RRM1: variants seen among roughly 807,000 people sequenced by gnomAD.
RRM1 encodes ribonucleotide reductase catalytic subunit M1, also known as ribonucleoside-diphosphate reductase large subunit.
In RRM1, 19 loss-of-function variants were observed where a neutral mutation model predicts 101.5. The observed-to-expected ratio is 0.19, with a 90% CI of 0.13 to 0.27. The LOEUF (loss-of-function observed/expected upper bound fraction) is 0.27. Ranked by LOEUF, RRM1 falls within the 10% of genes least tolerant of loss-of-function variation. RRM1 has a pLI of 1.00. For synonymous variants in RRM1, 298 were observed against 323.4 expected, an observed-to-expected ratio of 0.92 and a Z score of 0.84; for missense variants, 500 against 962.9, an observed-to-expected ratio of 0.52 and a Z score of 6.36.
rs2094584212 is a variant in RRM1 at position 4,123,108 on chromosome 11, T to G, written c.1119-75T>G. On this transcript the variant is annotated intron_variant, in intron 11 of 18. Coordinates refer to ENST00000300738, the MANE Select transcript of RRM1 (RefSeq NM_001033.5). ...TTAAGAGTTTTCATAACTTTATATT[T>G]TAATGTCTTCAAGTTGTCTACAATA... 2.7e-6 allele frequency: 3 copies of G among 1,097,894 alleles called. No individual in the cohort carries two copies. In the South Asian group the frequency reaches 4.6e-5, roughly 17 times the overall value. 68.0% of individuals were successfully genotyped at this position (1,097,894 alleles called of 1,614,324 possible).
rs756571878 is a variant in RRM1 at position 4,106,234 on chromosome 11, G to A, written c.286+11G>A. Reference sequence around the variant, plus strand: ...AGAAAGTGTTCAGTGGTAAGTCTGGGGTGAAAAAGTAAAAATTTAGTACTC... The same window carrying A: ...AGAAAGTGTTCAGTGGTAAGTCTGGAGTGAAAAAGTAAAAATTTAGTACTC... On this transcript the variant is annotated intron_variant, in intron 3 of 18. Coordinates refer to ENST00000300738, the MANE Select transcript of RRM1 (RefSeq NM_001033.5). 17 of 1,608,908 alleles carry A rather than the reference G, an allele frequency of 1.1e-5. No individual in the cohort carries two copies. The highest frequency in any genetic ancestry group is 2.7e-5 in the African/African-American group (2 of 74,722).
intron 3 of RRM1, among the ~76,000 whole-genome samples, chr11:4,107,009 T>C (rs2094559204): frequency 6.6e-6 from 1 of 152,096 alleles, no homozygotes; most frequent in Non-Finnish European, 1.5e-5. Flanking sequence ...TTCTCCTGCC[T>C]CAGCCTCCCG....
At chr11:4,123,466 C>A in intron 12 of RRM1, 82 bp downstream of exon 12, 1 of 1,136,742 alleles carries the variant, frequency 8.8e-7, no homozygotes, top group Non-Finnish European at 1.3e-6. Context: ...CTTGATTTCA[C>A]TTGAGATAAG....
At chr11:4,130,073 T>TATAC in intron 15 of RRM1, among the ~76,000 whole-genome samples, 2 of 93,870 alleles carry the variant, frequency 2.1e-5, no homozygotes, top group South Asian at 3.7e-4. Flanking sequence ...TATTTATATA[T>TATAC]ATATATATAT....
chr11:4,099,355 C>G (rs2094547769), intron 1 of RRM1: 1 of 126,172 alleles, frequency 7.9e-6, no homozygotes, highest in Non-Finnish European at 1.6e-5. Context: ...ATTGGCTAGA[C>G]TGGTCTCGAA....
intron 7 of RRM1, among the ~76,000 whole-genome samples, chr11:4,115,375 G>A (rs895069878): frequency 7.9e-5 from 12 of 152,068 alleles, no homozygotes; most frequent in Admixed American, 2.0e-4. Context: ...ACGACTCACA[G>A]AAGGGGAGAA....
At chr11:4,105,375 C>T (rs1222069334) in intron 2 of RRM1, among the ~76,000 whole-genome samples, 2 of 151,870 alleles carry the variant, frequency 1.3e-5, no homozygotes, top group Admixed American at 6.6e-5. Context: ...CAACCACAGT[C>T]ACTTACCACC....
chr11:4,113,756 T>C (rs1464451364), intron 7 of RRM1, among the ~76,000 whole-genome samples: 2 of 152,230 alleles, frequency 1.3e-5, no homozygotes, highest in African/African-American at 4.8e-5. Flanking sequence ...GTTACTGTAC[T>C]GAATACTGTA....
In RRM1 at chr11:4,132,196, T is replaced by C. The variant is rs1172633052; in HGVS notation, c.1770-90T>C. On this transcript the variant is annotated intron_variant, in intron 15 of 18. Coordinates refer to ENST00000300738, the MANE Select transcript of RRM1 (RefSeq NM_001033.5). The surrounding 1 kb of genome is among the most constrained non-coding windows in gnomAD (Gnocchi z 4.1). ...ATGTTACATTTACATTTACTACATT[T>C]ATCTACATTTACTACAGTGACTTAA... The C allele has an allele frequency of 4.0e-6, 5 of 1,251,912 alleles. No homozygotes were observed. Among genetic ancestry groups the C allele is most frequent in the Non-Finnish European group, 5.8e-6 (5 of 864,208 alleles). 77.6% of individuals were successfully genotyped at this position (1,251,912 alleles called of 1,614,324 possible).
At chr11:4,122,084 G>T in intron 10 of RRM1, 57 bp from the exon 11 acceptor site, 1 of 1,306,162 alleles carries the variant, frequency 7.7e-7, no homozygotes, top group Non-Finnish European at 1.1e-6. Context: ...TGTTTCTAAT[G>T]GATTATGGTT....
intron 1 of RRM1, among the ~76,000 whole-genome samples, chr11:4,100,664 T>C (rs1047478715): frequency 5.2e-5 from 2 of 38,480 alleles, no homozygotes; most frequent in Non-Finnish European, 1.7e-4. Context: ...TATCACATAC[T>C]GTGATTTTTT....
chr11:4,137,460 C>A (rs1203715691), intron 18 of RRM1, among the ~76,000 whole-genome samples: 1 of 130,030 alleles, frequency 7.7e-6, no homozygotes, highest in African/African-American at 3.1e-5. Context: ...ACACCCCCAC[C>A]TCCCTCCCGG....
In RRM1 at chr11:4,118,364, A is replaced by T; in HGVS notation, c.695A>T (p.Tyr232Phe). The part of the protein sequence containing the change: ...SMKDDSIEGI[Y>F]DTLKQCALIS... The stretch of plus-strand genomic sequence containing the variant: ...AAAGATGACAGCATTGAAGGCATTT[A>T]TGACACTCTAAAGCAATGTGCATTG... Residue 232 changes from tyrosine (Y) to phenylalanine (F), a missense_variant, in exon 8 of 19, where the codon TAT becomes TTT. Transcript: ENST00000300738. 1 of 1,613,890 alleles carries T rather than the reference A, an allele frequency of 6.2e-7. No homozygotes were observed.
Position 4,138,467 on chromosome 11 carries a change from TG to T in RRM1, c.*86del, listed in dbSNP as rs2133331611. The T allele has an allele frequency of 9.5e-7, 1 of 1,055,950 alleles. No homozygotes were observed. The highest frequency in any genetic ancestry group is 2.9e-5 in the East Asian group (1 of 34,528). The allele number at this position is 1,055,950 out of a possible 1,614,324, so 65.4% of individuals were successfully genotyped here. Reference sequence around the variant, plus strand: ...ATAGGTATAGTGGGTTTGCTTGAGGTGGTAAGGCTTTGCTGGACCCTGTTGC... The same window carrying T: ...ATAGGTATAGTGGGTTTGCTTGAGGTGTAAGGCTTTGCTGGACCCTGTTGC... On this transcript the variant is annotated 3_prime_UTR_variant, in exon 19 of 19. Transcript: ENST00000300738.
chr11:4,118,368 C>T lies in RRM1; in HGVS notation c.699C>T (p.Asp233=). The change falls in exon 8 of 19, where the codon GAC becomes GAT. Residue 233 remains aspartate, a synonymous_variant. Transcript: ENST00000300738. ...ATGACAGCATTGAAGGCATTTATGACACTCTAAAGCAATGTGCATTGATTT... is the reference window on the plus strand; with the variant it reads ...ATGACAGCATTGAAGGCATTTATGATACTCTAAAGCAATGTGCATTGATTT... The part of the protein sequence containing the change: ...MKDDSIEGIY[D]TLKQCALISK... 2 of 1,613,900 alleles carry T rather than the reference C, an allele frequency of 1.2e-6. No homozygotes were observed. Among genetic ancestry groups the T allele is most frequent in the South Asian group, 1.1e-5 (1 of 91,066 alleles).
At chr11:4,115,875 C>T (rs1055906857) in intron 7 of RRM1, among the ~76,000 whole-genome samples, 6 of 151,910 alleles carry the variant, frequency 3.9e-5, no homozygotes, top group African/African-American at 7.3e-5. Context: ...ACTTATATCT[C>T]GATAGGAGAA....
intron 13 of RRM1, 49 bp downstream of exon 13, chr11:4,126,882 A>G: frequency 1.4e-5 from 22 of 1,517,466 alleles, no homozygotes; most frequent in Non-Finnish European, 1.9e-5. Context: ...ATCCAAATTG[A>G]AAGGAATCAA....
chr11:4,110,370 C>A (rs893676214), intron 5 of RRM1, among the ~76,000 whole-genome samples: 2 of 152,040 alleles, frequency 1.3e-5, no homozygotes, highest in East Asian at 3.9e-4. Context: ...CCAGTCTGGT[C>A]TTGAACTCCT....
chr11:4,115,818 A>G (rs2094572288), intron 7 of RRM1, among the ~76,000 whole-genome samples: 1 of 152,086 alleles, frequency 6.6e-6, no homozygotes, highest in Non-Finnish European at 1.5e-5. Flanking sequence ...GGGCCTCCCA[A>G]AGTGCTGGGA....
Sources: allele counts gnomAD v4.1 joint callset (sites outside exome capture counted in the v4.1 genomes callset), GRCh38; gene constraint gnomAD v4.1.1; non-coding constraint Gnocchi (gnomAD v3.1); transcripts MANE v1.5; gene names NCBI Gene and HGNC (gene_info 2026-07-23, HGNC 2026-07-21).